SGPL1: variants seen among roughly 807,000 people sequenced by gnomAD.
SGPL1 encodes SP-lyase 1.
SGPL1 carries 37 observed loss-of-function variants against 68.9 expected under a neutral mutation model. That is an observed-to-expected ratio of 0.54 (90% confidence interval 0.41 to 0.71). SGPL1 has a LOEUF of 0.71. SGPL1 is among the 30% of genes least tolerant of loss of function. The pLI is 0.00. For missense variants in SGPL1, 551 were observed against 704.6 expected (o/e 0.78, Z 2.47); for synonymous variants, 236 against 248.5 (o/e 0.95, Z 0.47).
chr10:70,842,123 G>A (rs12260789), intron 2 of SGPL1, among the ~76,000 whole-genome samples: 3,422 of 151,718 alleles, frequency 0.023, 114 homozygotes, highest in African/African-American at 0.078. Flanking sequence ...ATGTTTCATG[G>A]TATGGGTACA....
At chr10:70,859,223 T>G (rs889101561) in intron 6 of SGPL1, 148 bp from the exon 7 acceptor site, 23 of 377,438 alleles carry the variant, frequency 6.1e-5, no homozygotes, top group Non-Finnish European at 9.3e-5. Context: ...CTGCTATGTT[T>G]TGATCTTTTG....
chr10:70,863,841 G>A (rs1846128240), intron 7 of SGPL1, among the ~76,000 whole-genome samples: 1 of 152,148 alleles, frequency 6.6e-6, no homozygotes. Context: ...TGTAGAGTGT[G>A]GTCTTTTTCC....
intron 2 of SGPL1, among the ~76,000 whole-genome samples, chr10:70,821,533 G>A (rs1308000460): frequency 1.3e-5 from 2 of 152,062 alleles, no homozygotes; most frequent in Non-Finnish European, 2.9e-5. Flanking sequence ...CTTGACCAGG[G>A]GCAATTTTGC....
intron 2 of SGPL1, among the ~76,000 whole-genome samples, chr10:70,841,428 G>T (rs1197344513): frequency 6.6e-6 from 1 of 152,166 alleles, no homozygotes; most frequent in African/African-American, 2.4e-5. Flanking sequence ...CAAGAGCAAG[G>T]CAACAGCAGA....
intron 4 of SGPL1, 85 bp from the exon 5 acceptor site, chr10:70,854,623 G>T: frequency 8.6e-7 from 1 of 1,168,114 alleles, no homozygotes; most frequent in South Asian, 1.5e-5. Context: ...GCCTAGCATT[G>T]AGCAGTTGCT....
chr10:70,876,842 A>G (rs1014759307), intron 14 of SGPL1, among the ~76,000 whole-genome samples, 181 bp downstream of exon 14: 1 of 152,236 alleles, frequency 6.6e-6, no homozygotes, highest in South Asian at 2.1e-4. Flanking sequence ...CTGAAGTCTC[A>G]AATGAGATAC....
chr10:70,839,648 A>G (rs1845685687), intron 2 of SGPL1, among the ~76,000 whole-genome samples: 1 of 152,158 alleles, frequency 6.6e-6, no homozygotes, highest in Non-Finnish European at 1.5e-5. Flanking sequence ...TTCCAGAGAC[A>G]CAATACATTG....
In SGPL1 at chr10:70,841,029, G is replaced by A. The variant is rs535300969; in HGVS notation, c.28-3444G>A. Among the ~76,000 whole-genome samples the A allele has an allele frequency of 1.5e-4, 23 of 152,238 alleles. No individual in the cohort carries two copies. In the South Asian group the frequency reaches 4.8e-3, roughly 32 times the overall value. On this transcript the variant is annotated intron_variant, in intron 2 of 14. Transcript: ENST00000373202. ...ATTGTTCTTTCATCATCTCGTTCAT[G>A]CACAGTATTTAACCATCTGGTTTGA...
At chr10:70,821,935 C>T (rs1178878775) in intron 2 of SGPL1, among the ~76,000 whole-genome samples, 1 of 152,122 alleles carries the variant, frequency 6.6e-6, no homozygotes, top group Non-Finnish European at 1.5e-5. Context: ...GAAATGCTGT[C>T]CTTTGCAACA....
chr10:70,829,848 C>G (rs1396592551), intron 2 of SGPL1, among the ~76,000 whole-genome samples: 2 of 152,156 alleles, frequency 1.3e-5, no homozygotes, highest in Non-Finnish European at 2.9e-5. Context: ...GGTCACTGTC[C>G]TTTTCAGATA....
At chr10:70,827,377 T>C (rs746633732) in intron 2 of SGPL1, among the ~76,000 whole-genome samples, 5 of 152,230 alleles carry the variant, frequency 3.3e-5, no homozygotes, top group Non-Finnish European at 4.4e-5. Context: ...AGTTCTATTA[T>C]TAATAGATTT....
chr10:70,816,800 C>T lies in SGPL1; in HGVS notation c.-43-11C>T. On this transcript the variant is annotated splice_polypyrimidine_tract_variant and intron_variant, in intron 1 of 14. Coordinates refer to ENST00000373202, the MANE Select transcript of SGPL1 (RefSeq NM_003901.4). ...GCTCTAGAAGTAAACAAACCTGGTT[C>T]CCTTTTACAGAGTCTGAAAAAGGGG... The T allele has an allele frequency of 6.3e-7, 1 of 1,585,560 alleles. No individual in the cohort carries two copies. Among genetic ancestry groups the T allele is most frequent in the South Asian group, 1.1e-5 (1 of 90,412 alleles).
intron 2 of SGPL1, among the ~76,000 whole-genome samples, chr10:70,839,217 C>T (rs568900104): frequency 2.0e-5 from 3 of 152,206 alleles, no homozygotes; most frequent in South Asian, 4.2e-4. Flanking sequence ...GGCTAGTTTA[C>T]TCATTATTTG....
At position 70,851,214 on chromosome 10, in the gene SGPL1, A is replaced by G. The variant is rs1305160911; in HGVS notation, c.261+4A>G. The G allele has an allele frequency of 1.2e-6, 2 of 1,609,458 alleles. No individual in the cohort carries two copies. Among genetic ancestry groups the G allele is most frequent in the South Asian group, 2.2e-5 (2 of 90,936 alleles). ...GATGCCCATTATTGGTCGTAAGGTA[A>G]GTAGAATCTGTGTATGTCATTTTTT... is the stretch of plus-strand genomic sequence containing the variant. On this transcript the variant is annotated splice_donor_region_variant and intron_variant, in intron 4 of 14. Transcript: ENST00000373202.
chr10:70,870,322 A>G (rs1221055084), intron 9 of SGPL1, among the ~76,000 whole-genome samples: 1 of 152,084 alleles, frequency 6.6e-6, no homozygotes, highest in Non-Finnish European at 1.5e-5. Flanking sequence ...TCTGAGCAAC[A>G]TAGTGAGACC....
chr10:70,873,567 A>G lies in SGPL1; in HGVS notation c.1276A>G (p.Thr426Ala). Residue 426 changes from threonine (T) to alanine (A), a missense_variant, in exon 12 of 15, where the codon ACT becomes GCT. Thr to Ala is a moderately conservative substitution (Grantham distance 58). Transcript: ENST00000373202. ...YVEATKQIIK[T>A]ARFLKSELEN... ...TGAAGCTACCAAACAGATCATCAAA[A>G]CTGCTCGCTTCCTCAAGTCAGAGTA... is the stretch of plus-strand genomic sequence containing the variant. The G allele has an allele frequency of 6.2e-7, 1 of 1,613,700 alleles. No homozygotes were observed. The highest frequency in any genetic ancestry group is 8.5e-7 in the Non-Finnish European group (1 of 1,179,572).
At chr10:70,876,493 A>AT (rs753575281) in intron 13 of SGPL1, 48 bp from the exon 14 acceptor site, 83 of 1,554,508 alleles carry the variant, frequency 5.3e-5, no homozygotes, top group Non-Finnish European at 6.9e-5. Flanking sequence ...ATTTTAGAAC[A>AT]TTTTTTCTTT....
At chr10:70,852,740 G>A (rs1329132747) in intron 4 of SGPL1, among the ~76,000 whole-genome samples, 2 of 152,156 alleles carry the variant, frequency 1.3e-5, no homozygotes, top group South Asian at 2.1e-4. Flanking sequence ...GCGCGCACGC[G>A]TGTGTGTATA....
chr10:70,860,772 A>G (rs1846039169), intron 7 of SGPL1, among the ~76,000 whole-genome samples: 1 of 152,220 alleles, frequency 6.6e-6, no homozygotes, highest in South Asian at 2.1e-4. Context: ...TAGTACACAT[A>G]TATATCAGGA....
Sources: allele counts gnomAD v4.1 joint callset (sites outside exome capture counted in the v4.1 genomes callset), GRCh38; gene constraint gnomAD v4.1.1; transcripts MANE v1.5; gene names NCBI Gene and HGNC (gene_info 2026-07-23, HGNC 2026-07-21).